The following ELP4 variants were observed in gnomAD, a reference collection of about 807,000 sequenced individuals.
The protein encoded by ELP4 is elongator acetyltransferase complex subunit 4.
A neutral mutation model predicts 48.9 loss-of-function variants in ELP4; 51 were observed. That is an observed-to-expected ratio of 1.04 (90% CI 0.83 to 1.32). ELP4 has a LOEUF of 1.32. Among genes scored for constraint, ELP4 ranks in the 40% most tolerant of loss-of-function variants. The pLI, the probability that ELP4 is intolerant of heterozygous loss-of-function variation, is 0.00. For synonymous variants in ELP4, 210 were observed against 189.2 expected (o/e 1.11, Z -0.90); for missense variants, 519 against 514.6 (o/e 1.01, Z -0.08).
At chr11:31,588,100 A>G (rs1213699790) in intron 3 of ELP4, among the ~76,000 whole-genome samples, 1 of 152,114 alleles carries the variant, frequency 6.6e-6, no homozygotes, top group Non-Finnish European at 1.5e-5. Context: ...ATAAACTATC[A>G]TATTGTTTAT....
chr11:31,744,102 T>C (rs551976412), intron 9 of ELP4, among the ~76,000 whole-genome samples: 58 of 152,270 alleles, frequency 3.8e-4, no homozygotes, highest in African/African-American at 1.3e-3. Context: ...CATCAGAGAA[T>C]ACTATAAACA....
chr11:31,766,403 G>T (rs1229919037), intron 9 of ELP4, among the ~76,000 whole-genome samples: 4 of 152,052 alleles, frequency 2.6e-5, no homozygotes, highest in Non-Finnish European at 5.9e-5. Flanking sequence ...TGGTTTCAGG[G>T]TGTTGGAATA....
At position 31,510,694 on chromosome 11, in the gene ELP4, T is replaced by G. The variant is rs570355867; in HGVS notation, c.223+687T>G. 4 of 263,094 alleles carry G rather than the reference T, an allele frequency of 1.5e-5. No individual in the cohort carries two copies. The South Asian group carries it at 6.8e-4, about 45-fold the overall frequency. The allele number at this position is 263,094 out of a possible 1,614,324, so 16.3% of individuals were successfully genotyped here. A position where few individuals can be genotyped will look rare whatever the true frequency, so the allele number is the denominator to read the frequency against. On this transcript the variant is annotated intron_variant, in intron 1 of 9. Coordinates refer to ENST00000640961, the MANE Select transcript of ELP4 (RefSeq NM_019040.5). ...TACATTCCATACGACATCTTTAAAT[T>G]TAACTCACATTTTAACGAGAAAAGT...
chr11:31,661,706 GT>G (rs1945559511), intron 9 of ELP4, among the ~76,000 whole-genome samples: 1 of 151,938 alleles, frequency 6.6e-6, no homozygotes, highest in African/African-American at 2.4e-5. Flanking sequence ...ATACGGAATA[GT>G]TTGATAGTGT....
intron 3 of ELP4, among the ~76,000 whole-genome samples, chr11:31,591,414 A>T (rs866999043): frequency 6.9e-5 from 2 of 29,094 alleles, no homozygotes; most frequent in South Asian, 3.7e-3. Context: ...TCAAAAAAAA[A>T]AAAAAAAAGG....
At chr11:31,551,855 G>A (rs1023368134) in intron 3 of ELP4, among the ~76,000 whole-genome samples, 1 of 152,106 alleles carries the variant, frequency 6.6e-6, no homozygotes, top group African/African-American at 2.4e-5. Flanking sequence ...TTGACCTTGT[G>A]AAAGTCTTTT....
In ELP4 at chr11:31,752,759, G is replaced by C. The variant is rs982098678; in HGVS notation, c.1144-30634G>C. Among the ~76,000 whole-genome samples, 6 of 151,680 alleles carry C rather than the reference G, an allele frequency of 4.0e-5. No homozygotes were observed. The East Asian group carries it at 9.7e-4, about 24-fold the overall frequency. On this transcript the variant is annotated intron_variant, in intron 9 of 9. Coordinates refer to ENST00000640961, the MANE Select transcript of ELP4 (RefSeq NM_019040.5). ...TGAGGCAGGAGAATGGCATGAACCC[G>C]GGGGGCGGAGCTTGCAGTGAGCTGG...
Position 31,773,347 on chromosome 11 carries a change from A to C in ELP4, c.1144-10046A>C, listed in dbSNP as rs117314187. 5.0e-3 allele frequency among the ~76,000 whole-genome samples: 767 copies of C among 152,324 alleles called. 3 individuals carry two copies. Among genetic ancestry groups the C allele is most frequent in the Non-Finnish European group, 8.6e-3 (587 of 68,040 alleles). On this transcript the variant is annotated intron_variant, in intron 9 of 9. Transcript: ENST00000640961. ...TATAGAAGAAAATGGGGAATTAGTG[A>C]AATAATTGGAAGGGCTGAAGGAGAT... is the stretch of plus-strand genomic sequence containing the variant.
intron 9 of ELP4, among the ~76,000 whole-genome samples, chr11:31,683,220 C>CT (rs36038571): frequency 6.6e-6 from 1 of 152,082 alleles, no homozygotes; most frequent in Non-Finnish European, 1.5e-5. Flanking sequence ...TATGGCATAT[C>CT]TTGTAAGTAA....
chr11:31,578,160 G>C (rs978157258), intron 3 of ELP4, among the ~76,000 whole-genome samples: 3 of 150,962 alleles, frequency 2.0e-5, no homozygotes, highest in Non-Finnish European at 3.0e-5. Flanking sequence ...AACAGACAGA[G>C]AGCCAAATCA....
intron 9 of ELP4, among the ~76,000 whole-genome samples, chr11:31,669,374 C>T (rs1040120059): frequency 6.6e-6 from 1 of 152,134 alleles, no homozygotes; most frequent in Admixed American, 6.5e-5. Context: ...AGCCACCGCG[C>T]CTGGCCCACG....
chr11:31,708,794 A>G (rs938646691), intron 9 of ELP4, among the ~76,000 whole-genome samples: 3 of 152,142 alleles, frequency 2.0e-5, no homozygotes, highest in African/African-American at 7.2e-5. Context: ...TCAAATATAT[A>G]TATTTTTAAG....
intron 2 of ELP4, among the ~76,000 whole-genome samples, chr11:31,534,266 GGTGTGT>G (rs61054150): frequency 4.1e-5 from 6 of 148,126 alleles, no homozygotes; most frequent in Admixed American, 6.7e-5. Flanking sequence ...GAGGTGGATT[GGTGTGT>G]GTGTGTGTGT....
At chr11:31,610,936 TTC>T (rs1957967712) in intron 5 of ELP4, among the ~76,000 whole-genome samples, 1 of 152,162 alleles carries the variant, frequency 6.6e-6, no homozygotes, top group African/African-American at 2.4e-5. Flanking sequence ...CCCTTGACTC[TTC>T]TCTCTCTCTG....
intron 1 of ELP4, among the ~76,000 whole-genome samples, chr11:31,518,375 G>A (rs1464510314): frequency 1.3e-5 from 2 of 151,870 alleles, no homozygotes; most frequent in African/African-American, 4.8e-5. Context: ...CAAAGTGCTG[G>A]GATTACAGGC....
At chr11:31,575,440 C>T (rs913698777) in intron 3 of ELP4, among the ~76,000 whole-genome samples, 25 of 151,980 alleles carry the variant, frequency 1.6e-4, no homozygotes, top group Admixed American at 1.1e-3. Flanking sequence ...ATACAGAGAA[C>T]GCCACAAAGA....
intron 3 of ELP4, among the ~76,000 whole-genome samples, chr11:31,558,995 T>G (rs1051622788): frequency 3.9e-5 from 6 of 152,202 alleles, no homozygotes; most frequent in African/African-American, 1.4e-4. Flanking sequence ...CCTCAAATTC[T>G]GAAAACCAGA....
intron 9 of ELP4, among the ~76,000 whole-genome samples, chr11:31,726,725 A>T (rs1947084301): frequency 1.3e-5 from 2 of 152,240 alleles, no homozygotes; most frequent in Non-Finnish European, 2.9e-5. Flanking sequence ...AGCATTTTTA[A>T]CAATTATTTG....
intron 4 of ELP4, chr11:31,600,127 T>TAC: frequency 6.6e-6 from 1 of 152,148 alleles, no homozygotes; most frequent in East Asian, 1.9e-4. Flanking sequence ...AGAATATATA[T>TAC]ACCTAGATCA....
Sources: gnomAD v4.1 joint callset for allele counts (sites outside exome capture counted in the v4.1 genomes callset) on GRCh38, gnomAD v4.1.1 for gene constraint, MANE v1.5 for transcripts, NCBI Gene and HGNC (gene_info 2026-07-23, HGNC 2026-07-21) for gene names.